The following MAST4 variants were observed in gnomAD, a reference collection of about 807,000 sequenced individuals.
MAST4 encodes microtubule-associated serine/threonine-protein kinase 4.
MAST4 carries 89 observed loss-of-function variants against 162.7 expected under a neutral mutation model. The observed-to-expected ratio is 0.55, with a 90% CI of 0.46 to 0.65. The LOEUF is 0.65. Ranked by LOEUF, MAST4 falls within the 30% of genes least tolerant of loss-of-function variation. The pLI, the probability that MAST4 is intolerant of heterozygous loss-of-function variation, is 0.00. For synonymous variants in MAST4, 1,479 were observed against 1,361.1 expected (o/e 1.09, Z -1.91); for missense variants, 3,153 against 3,374.0 (o/e 0.93, Z 1.62).
chr5:66,827,867 G>T (rs184637790), intron 3 of MAST4, among the ~76,000 whole-genome samples: 11 of 152,246 alleles, frequency 7.2e-5, no homozygotes, highest in African/African-American at 2.2e-4. Flanking sequence ...TTATGAATTG[G>T]TAGTGTCGTA....
intron 3 of MAST4, among the ~76,000 whole-genome samples, chr5:66,867,696 T>C (rs1386534161): frequency 1.3e-5 from 2 of 152,250 alleles, no homozygotes; most frequent in East Asian, 1.9e-4. Context: ...CAATAGAATG[T>C]GCTTCCTTTT....
intron 1 of MAST4, among the ~76,000 whole-genome samples, chr5:66,676,465 T>C (rs199633673): frequency 2.6e-5 from 1 of 39,112 alleles, no homozygotes. Context: ...CCAAGACTCT[T>C]TTCCTCACAA....
At chr5:66,644,526 G>C (rs1031998032) in intron 1 of MAST4, among the ~76,000 whole-genome samples, 1 of 152,124 alleles carries the variant, frequency 6.6e-6, no homozygotes, top group Non-Finnish European at 1.5e-5. Context: ...CCTGAGACAG[G>C]TACCTACACC....
At chr5:66,764,280 TCTC>T (rs1442478546) in intron 2 of MAST4, among the ~76,000 whole-genome samples, 2 of 152,194 alleles carry the variant, frequency 1.3e-5, no homozygotes, top group Admixed American at 1.3e-4. Context: ...AAAGGCATCA[TCTC>T]CTTATGAAAG....
chr5:66,822,114 G>A (rs1050194007), intron 3 of MAST4, among the ~76,000 whole-genome samples: 6 of 152,138 alleles, frequency 3.9e-5, no homozygotes, highest in African/African-American at 7.2e-5. Flanking sequence ...GGACTTGCCC[G>A]GCCTGCCGAG....
intron 24 of MAST4, among the ~76,000 whole-genome samples, chr5:67,150,056 A>G (rs1771605547): frequency 6.6e-6 from 1 of 152,216 alleles, no homozygotes. Flanking sequence ...ATTTCTGGAG[A>G]TAGAGTCACA....
At chr5:66,867,435 A>G (rs1760612400) in intron 3 of MAST4, among the ~76,000 whole-genome samples, 2 of 152,358 alleles carry the variant, frequency 1.3e-5, no homozygotes, top group South Asian at 4.1e-4. Context: ...TGTTAGGGGA[A>G]CAATAATTTA....
At position 67,012,487 on chromosome 5, in the gene MAST4, G is replaced by T. The variant is rs138858895; in HGVS notation, c.675-41917G>T. 3.3e-3 allele frequency among the ~76,000 whole-genome samples: 499 copies of T among 152,280 alleles called. 4 individuals are homozygous for T. Among genetic ancestry groups the T allele is most frequent in the African/African-American group, 0.012 (480 of 41,538 alleles). ...TCACTACCTGTAACTAGTCATTTGG[G>T]AGTGACATCATGGTAACTGAGTAAT... is the stretch of plus-strand genomic sequence containing the variant. On this transcript the variant is annotated intron_variant, in intron 4 of 28. Coordinates refer to ENST00000403625, the MANE Select transcript of MAST4 (RefSeq NM_001164664.2).
At chr5:66,897,074 C>G (rs1762727330) in intron 3 of MAST4, among the ~76,000 whole-genome samples, 1 of 152,150 alleles carries the variant, frequency 6.6e-6, no homozygotes, top group Non-Finnish European at 1.5e-5. Flanking sequence ...CAATGAAAAT[C>G]TAGAAATTTT....
chr5:66,633,381 G>T (rs890985236), intron 1 of MAST4, among the ~76,000 whole-genome samples: 1 of 152,172 alleles, frequency 6.6e-6, no homozygotes, highest in African/African-American at 2.4e-5. Context: ...ATAAACATCG[G>T]GTGTGTTACA....
At chr5:67,039,928 T>A (rs1011780536) in intron 4 of MAST4, among the ~76,000 whole-genome samples, 4 of 151,540 alleles carry the variant, frequency 2.6e-5, no homozygotes, top group African/African-American at 9.7e-5. Flanking sequence ...AATATAAGAT[T>A]TTTTACTGTT....
intron 1 of MAST4, among the ~76,000 whole-genome samples, chr5:66,633,742 A>G (rs1744929626): frequency 6.6e-6 from 1 of 152,088 alleles, no homozygotes; most frequent in Admixed American, 6.6e-5. Context: ...TGCTCAATTT[A>G]TTTTTTTAAA....
chr5:67,144,428 G>A (rs1283039831), intron 21 of MAST4, among the ~76,000 whole-genome samples: 1 of 149,868 alleles, frequency 6.7e-6, no homozygotes, highest in African/African-American at 2.5e-5. Context: ...AGAGGATGAT[G>A]AATTCATAGC....
chr5:67,081,110 A>ATATAATATATAATTGTATATATTG (rs2150740476), intron 5 of MAST4, among the ~76,000 whole-genome samples: 1 of 138,032 alleles, frequency 7.2e-6, no homozygotes, highest in South Asian at 2.2e-4. Context: ...TGTATATATT[A>ATATAATATATAATTGTATATATTG]TATATTTTTT....
At chr5:66,971,515 C>T (rs16896071) in intron 4 of MAST4, among the ~76,000 whole-genome samples, 6,874 of 152,176 alleles carry the variant, frequency 0.045, 205 homozygotes, top group East Asian at 0.11. Flanking sequence ...GCAAGGAGCC[C>T]GGACACTTTC....
intron 1 of MAST4, among the ~76,000 whole-genome samples, chr5:66,742,629 TG>T (rs1752536559): frequency 6.6e-6 from 1 of 152,206 alleles, no homozygotes; most frequent in Non-Finnish European, 1.5e-5. Context: ...CTGTGGCTTC[TG>T]GTGAATACTT....
chr5:66,900,577 A>G (rs1362727624), intron 4 of MAST4, among the ~76,000 whole-genome samples: 1 of 152,106 alleles, frequency 6.6e-6, no homozygotes, highest in Non-Finnish European at 1.5e-5. Flanking sequence ...CAAGTTGCAG[A>G]ATAAAATTGA....
chr5:66,617,408 C>T (rs1476318947), intron 1 of MAST4, among the ~76,000 whole-genome samples: 1 of 151,988 alleles, frequency 6.6e-6, no homozygotes, highest in Non-Finnish European at 1.5e-5. Flanking sequence ...TAAATTTACT[C>T]ATGATTCACA....
intron 5 of MAST4, among the ~76,000 whole-genome samples, chr5:67,082,686 CTG>C (rs904325245): frequency 3.0e-4 from 45 of 152,176 alleles, no homozygotes; most frequent in Admixed American, 2.8e-3. Flanking sequence ...GAAAATCAGA[CTG>C]TGGGCATGTA....
Sources: allele counts gnomAD v4.1 joint callset (sites outside exome capture counted in the v4.1 genomes callset), GRCh38; gene constraint gnomAD v4.1.1; transcripts MANE v1.5; gene names NCBI Gene and HGNC (gene_info 2026-07-23, HGNC 2026-07-21).